Variants in KIAA2012 observed in about 807,000 individuals in gnomAD.
KIAA2012 encodes KIAA2012, also known as uncharacterized protein KIAA2012.
In KIAA2012, 125 loss-of-function variants were observed where a neutral mutation model predicts 150.6. That is an observed-to-expected ratio of 0.83 (90% CI 0.72 to 0.96). The LOEUF (loss-of-function observed/expected upper bound fraction) is 0.96. Among genes scored for constraint, KIAA2012 ranks in the 40% least tolerant of loss-of-function variants. The pLI, the probability that KIAA2012 is intolerant of heterozygous loss-of-function variation, is 0.00. For missense variants in KIAA2012, 1,219 were observed against 1,354.9 expected (o/e 0.90, Z 1.57); for synonymous variants, 462 against 504.7 (o/e 0.92, Z 1.13).
chr2:202,113,247 C>CG (rs1690423070), intron 10 of KIAA2012, 89 bp from the exon 11 acceptor site: 9 of 962,044 alleles, frequency 9.4e-6, no homozygotes, highest in Non-Finnish European at 1.4e-5. Context: ...TGTGTGCCCG[C>CG]GGGGGACCAG....
intron 14 of KIAA2012, among the ~76,000 whole-genome samples, chr2:202,161,383 C>T (rs1438163756): frequency 6.6e-6 from 1 of 152,090 alleles, no homozygotes; most frequent in Non-Finnish European, 1.5e-5. Flanking sequence ...TTACTGTGTC[C>T]CCATTGGCCC....
chr2:202,093,682 T>C (rs1483209152), intron 4 of KIAA2012, among the ~76,000 whole-genome samples: 3 of 152,224 alleles, frequency 2.0e-5, no homozygotes, highest in Admixed American at 2.0e-4. Context: ...CATTTACTAG[T>C]GTAAGATCTT....
chr2:202,082,262 G>C (rs1405574704), intron 2 of KIAA2012, among the ~76,000 whole-genome samples: 1 of 152,152 alleles, frequency 6.6e-6, no homozygotes, highest in African/African-American at 2.4e-5. Context: ...GGCTGAGGCA[G>C]GAGGATCACT....
At chr2:202,075,768 G>T (rs2105906462) in intron 2 of KIAA2012, among the ~76,000 whole-genome samples, 1 of 152,314 alleles carries the variant, frequency 6.6e-6, no homozygotes, top group East Asian at 1.9e-4. Context: ...CAGCCCTTTG[G>T]CTGAGGCCAT....
At chr2:202,187,170 G>A in intron 17 of KIAA2012, 72 bp downstream of exon 17, 3 of 1,483,502 alleles carry the variant, frequency 2.0e-6, no homozygotes, top group Non-Finnish European at 2.7e-6. Context: ...ATGCACAGTT[G>A]TATAGATTGC....
At position 202,138,446 on chromosome 2, in the gene KIAA2012, A is replaced by G. The variant is rs1260671933; in HGVS notation, c.1846A>G (p.Arg616Gly). ...QHFLKANTEPRANLHMNLYET... is the reference protein window; with the variant it reads ...QHFLKANTEPGANLHMNLYET... ...TTTCACTACAGCAAACACTGAACCT[A>G]GAGCCAATCTTCACATGAACCTTTA... The change falls in exon 13 of 24, where the codon AGA becomes GGA. Residue 616 changes from arginine (R) to glycine (G), a missense_variant. Arg to Gly is a moderately radical substitution (Grantham distance 125). Coordinates refer to ENST00000498697, the MANE Select transcript of KIAA2012 (RefSeq NM_001277372.4). 1.3e-6 allele frequency: 2 copies of G among 1,550,600 alleles called. No individual in the cohort carries two copies. The highest frequency in any genetic ancestry group is 1.7e-6 in the Non-Finnish European group (2 of 1,146,946).
intron 11 of KIAA2012, among the ~76,000 whole-genome samples, chr2:202,123,499 A>G (rs1212336275): frequency 1.3e-5 from 2 of 152,134 alleles, no homozygotes; most frequent in Non-Finnish European, 2.9e-5. Context: ...TGATGCTCAG[A>G]ATCCCAGGCC....
intron 15 of KIAA2012, among the ~76,000 whole-genome samples, chr2:202,169,917 G>T (rs926493198): frequency 6.6e-6 from 1 of 152,142 alleles, no homozygotes; most frequent in African/African-American, 2.4e-5. Flanking sequence ...AACCAAGGAG[G>T]TCGGGATGGA....
intron 4 of KIAA2012, among the ~76,000 whole-genome samples, chr2:202,094,666 ACAC>A: frequency 6.6e-6 from 1 of 151,996 alleles, no homozygotes; most frequent in Non-Finnish European, 1.5e-5. Flanking sequence ...CTGTAGGAGC[ACAC>A]CACCACTCCC....
rs546585584 is a variant in KIAA2012, at chr2:202,187,065, G to C, written c.2343G>C (p.Leu781=). The change falls in exon 17 of 24, where the codon CTG becomes CTC. Residue 781 remains leucine (L), a synonymous_variant. Transcript: ENST00000498697. ...REREGKAEPR[L]FSQETSANIS... Reference sequence around the variant, plus strand: ...GAGAAGGGAAGGCTGAACCAAGACTGTTTAGCCAGGAGACATCAGCCAACA... The same window carrying C: ...GAGAAGGGAAGGCTGAACCAAGACTCTTTAGCCAGGAGACATCAGCCAACA... 118 of 1,550,586 alleles carry C rather than the reference G, an allele frequency of 7.6e-5. No homozygotes were observed. In the South Asian group the frequency reaches 1.3e-3, roughly 18 times the overall value.
intron 16 of KIAA2012, 47 bp from the exon 17 acceptor site, chr2:202,186,886 C>A: frequency 6.5e-7 from 1 of 1,534,496 alleles, no homozygotes; most frequent in South Asian, 1.2e-5. Context: ...TTTCTTTCCA[C>A]CAGAGTTTTT....
At chr2:202,119,535 C>G (rs1390178290) in intron 11 of KIAA2012, among the ~76,000 whole-genome samples, 1 of 152,190 alleles carries the variant, frequency 6.6e-6, no homozygotes, top group Admixed American at 6.5e-5. Flanking sequence ...ATCAGACTTT[C>G]TGAGGATACC....
At chr2:202,156,836 G>C (rs943921054) in intron 14 of KIAA2012, among the ~76,000 whole-genome samples, 9 of 152,096 alleles carry the variant, frequency 5.9e-5, no homozygotes, top group Non-Finnish European at 1.2e-4. Flanking sequence ...AGTGAGCCCA[G>C]ATCACGCCAC....
rs922944592 is a variant in KIAA2012, at chr2:202,196,776, C to A, written c.3188-24C>A. 3.3e-5 allele frequency: 51 copies of A among 1,547,570 alleles called. No individual in the cohort carries two copies. The Admixed American group carries it at 1.0e-3, about 31-fold the overall frequency. On this transcript the variant is annotated intron_variant, in intron 21 of 23. Transcript: ENST00000498697. ...TTCCCTAAAAATGATCCCTGCTGAG[C>A]CCACCCCCTTTTCTATTCTGCAGAG...
chr2:202,111,174 A>T (rs1442505788), intron 10 of KIAA2012, among the ~76,000 whole-genome samples: 1 of 152,036 alleles, frequency 6.6e-6, no homozygotes, highest in Non-Finnish European at 1.5e-5. Flanking sequence ...TACTTTAGAC[A>T]TCCTTATAAA....
chr2:202,171,118 C>T (rs1574304486), intron 15 of KIAA2012, among the ~76,000 whole-genome samples: 1 of 53,624 alleles, frequency 1.9e-5, no homozygotes, highest in South Asian at 8.0e-4. Flanking sequence ...ATACTACACA[C>T]ACACACACAC....
intron 12 of KIAA2012, among the ~76,000 whole-genome samples, chr2:202,128,264 T>C (rs1422523064): frequency 6.6e-6 from 1 of 152,096 alleles, no homozygotes; most frequent in Admixed American, 6.6e-5. Flanking sequence ...CTGCAAGCTT[T>C]TTTTCTTTTC....
At chr2:202,116,604 C>A (rs1277006878) in intron 11 of KIAA2012, 1 of 151,814 alleles carries the variant, frequency 6.6e-6, no homozygotes, top group Non-Finnish European at 1.5e-5. Context: ...TGCACCCAGC[C>A]TTTCTTGTTT....
Position 202,184,845 on chromosome 2 carries a change from T to G in KIAA2012, c.2210+2T>G, listed in dbSNP as rs1315480884. ...AGAAGCAGATATTGTGCAAAAAGTG[T>G]AAGTGTTCAAAGTTGTAATAACATA... is the stretch of plus-strand genomic sequence containing the variant. On this transcript the variant is annotated splice_donor_variant, in intron 16 of 23. Transcript: ENST00000498697. LOFTEE classifies it high-confidence loss of function. 1 of 1,545,212 alleles carries G rather than the reference T, an allele frequency of 6.5e-7. No individual in the cohort carries two copies. Among genetic ancestry groups the G allele is most frequent in the South Asian group, 1.2e-5 (1 of 83,232 alleles).
Sources: gnomAD v4.1 joint callset for allele counts (sites outside exome capture counted in the v4.1 genomes callset) on GRCh38, gnomAD v4.1.1 for gene constraint, MANE v1.5 for transcripts, NCBI Gene and HGNC (gene_info 2026-07-23, HGNC 2026-07-21) for gene names.